The following CCNJL variants were observed in gnomAD, a reference collection of about 807,000 sequenced individuals.
The protein encoded by CCNJL is cyclin J like.
Under a neutral mutation model 33.4 loss-of-function variants are expected in CCNJL, and 33 were observed. The ratio of observed to expected loss-of-function variants is 0.99; its 90% CI spans 0.75 to 1.32. The LOEUF is 1.32. Ranked by LOEUF, CCNJL falls within the 40% of genes most tolerant of loss-of-function variation. The pLI is 0.00. For synonymous variants in CCNJL, 227 were observed against 220.9 expected, an observed-to-expected ratio of 1.03 and a Z score of -0.24; for missense variants, 512 against 499.7, an observed-to-expected ratio of 1.02 and a Z score of -0.23.
intron 3 of CCNJL, among the ~76,000 whole-genome samples, chr5:160,279,009 G>C (rs1411905344): frequency 6.6e-6 from 1 of 152,240 alleles, no homozygotes; most frequent in Non-Finnish European, 1.5e-5. Context: ...CAAATGTGGG[G>C]CTATGAGCCT....
intron 2 of CCNJL, among the ~76,000 whole-genome samples, chr5:160,309,304 G>C (rs761316366): frequency 9.2e-5 from 14 of 152,304 alleles, no homozygotes; most frequent in Non-Finnish European, 2.1e-4. Context: ...TTGATACCCT[G>C]TAGTATGATG....
intron 1 of CCNJL, among the ~76,000 whole-genome samples, chr5:160,332,937 G>A (rs1349278402): frequency 6.6e-6 from 1 of 152,100 alleles, no homozygotes; most frequent in Non-Finnish European, 1.5e-5. Flanking sequence ...GTGCCCAGCT[G>A]AGTGCCAGGC....
intron 3 of CCNJL, among the ~76,000 whole-genome samples, chr5:160,267,365 G>A (rs1052439872): frequency 6.6e-6 from 1 of 152,164 alleles, no homozygotes; most frequent in Non-Finnish European, 1.5e-5. Context: ...CGATCTCCCA[G>A]CTGATAAGGG....
intron 3 of CCNJL, among the ~76,000 whole-genome samples, chr5:160,267,123 T>C (rs1053918079): frequency 2.6e-5 from 4 of 152,280 alleles, no homozygotes; most frequent in African/African-American, 9.6e-5. Flanking sequence ...GGAGCTTCGT[T>C]TGGCATTTGG....
intron 3 of CCNJL, among the ~76,000 whole-genome samples, chr5:160,262,428 G>A (rs1018743229): frequency 6.6e-6 from 1 of 152,198 alleles, no homozygotes; most frequent in African/African-American, 2.4e-5. Context: ...CACACGGCAG[G>A]CCACAGCCAG....
chr5:160,288,842 A>G (rs1420468820), intron 2 of CCNJL, among the ~76,000 whole-genome samples: 6 of 151,698 alleles, frequency 4.0e-5, no homozygotes, highest in African/African-American at 1.5e-4. Flanking sequence ...AAAAAAAAAA[A>G]AAAAAAAAAA....
rs1037763016 is a variant in CCNJL, at chr5:160,250,677, A to G, written c.*2701T>C. ...TATATCTCATCAATTCTACATATAC[A>G]TATTTTGACATGTAACGCTTCTGAA... On this transcript the variant is annotated 3_prime_UTR_variant, in exon 6 of 6. Transcript: ENST00000257536. 1.3e-5 allele frequency: 2 copies of G among 152,192 alleles called. No homozygotes were observed. The highest frequency in any genetic ancestry group is 3.8e-4 in the East Asian group (2 of 5,196). 9.4% of individuals were successfully genotyped at this position (152,192 alleles called of 1,614,324 possible).
intron 3 of CCNJL, among the ~76,000 whole-genome samples, chr5:160,270,865 T>C (rs1010617441): frequency 6.6e-6 from 1 of 152,094 alleles, no homozygotes; most frequent in Non-Finnish European, 1.5e-5. Flanking sequence ...CAGAGAACAT[T>C]CCAGAACGTA....
chr5:160,308,724 C>G (rs1320291667), intron 2 of CCNJL, among the ~76,000 whole-genome samples: 1 of 152,268 alleles, frequency 6.6e-6, no homozygotes, highest in Non-Finnish European at 1.5e-5. Context: ...CCACTGCACT[C>G]TAGCCTGTGC....
intron 3 of CCNJL, among the ~76,000 whole-genome samples, chr5:160,271,265 G>C (rs1328509097): frequency 1.3e-5 from 2 of 152,144 alleles, no homozygotes; most frequent in Admixed American, 1.3e-4. Flanking sequence ...TGGGTGGTGA[G>C]GGGTGGGCTG....
At position 160,335,136 on chromosome 5, in the gene CCNJL, G is replaced by A. The variant is rs140208531; in HGVS notation, n.206+4309C>T. Among the ~76,000 whole-genome samples, 335 of 152,274 alleles carry A rather than the reference G, an allele frequency of 2.2e-3. 1 individual carries two copies. The highest frequency in any genetic ancestry group is 7.4e-3 in the African/African-American group (309 of 41,560). ...CAATTAGTCAGGTGTGGTGGCATGC[G>A]CCTGTAATCCCAGCTACTGGGGAGG... On this transcript the variant is annotated intron_variant and non_coding_transcript_variant, in intron 1 of 7. Transcript: ENST00000377503.
intron 1 of CCNJL, among the ~76,000 whole-genome samples, chr5:160,318,194 T>G (rs950035629): frequency 1.3e-5 from 2 of 152,140 alleles, no homozygotes; most frequent in African/African-American, 4.8e-5. Context: ...TTTTTGTATT[T>G]TTAGTAGAGA....
intron 1 of CCNJL, among the ~76,000 whole-genome samples, chr5:160,322,715 G>A (rs1314483219): frequency 6.6e-6 from 1 of 151,508 alleles, no homozygotes; most frequent in East Asian, 1.9e-4. Flanking sequence ...AGACCAGCCT[G>A]GCCAATATGG....
chr5:160,333,771 G>A (rs1251226415), intron 1 of CCNJL, among the ~76,000 whole-genome samples: 2 of 151,726 alleles, frequency 1.3e-5, no homozygotes, highest in Admixed American at 6.6e-5. Context: ...CCTTCTCTAC[G>A]CCCCCTTGCT....
chr5:160,292,309 G>C (rs533741883), intron 2 of CCNJL, among the ~76,000 whole-genome samples: 1 of 152,292 alleles, frequency 6.6e-6, no homozygotes, highest in Admixed American at 6.5e-5. Flanking sequence ...TATACATACA[G>C]ATAGATATAC....
At chr5:160,280,444 T>C in intron 3 of CCNJL, 81 bp downstream of exon 3, 1 of 1,124,626 alleles carries the variant, frequency 8.9e-7, no homozygotes, top group Non-Finnish European at 1.3e-6. Flanking sequence ...CGTCAAAATG[T>C]AAAGTGATTT....
At chr5:160,258,189 G>A in intron 4 of CCNJL, 1 of 501,882 alleles carries the variant, frequency 2.0e-6, no homozygotes, top group Non-Finnish European at 3.6e-6. Context: ...GTTTGTGGTA[G>A]GTTATGGGAT....
Position 160,289,716 on chromosome 5 carries a change from C to T in CCNJL, c.67-8978G>A, listed in dbSNP as rs76129874. Among the ~76,000 whole-genome samples, 430 of 152,284 alleles carry T rather than the reference C, an allele frequency of 2.8e-3. 1 individual carries two copies. The highest frequency in any genetic ancestry group is 9.8e-3 in the African/African-American group (407 of 41,568). ...ACCTAAAGCCCCAACCTAAGCTACA[C>T]GGAGAGACAGAGAGGCAGCAGGGCT... On this transcript the variant is annotated intron_variant, in intron 2 of 5. Coordinates refer to ENST00000257536, the MANE Select transcript of CCNJL (RefSeq NM_001308173.3).
chr5:160,303,323 G>A (rs142932395), intron 2 of CCNJL, among the ~76,000 whole-genome samples: 3 of 151,760 alleles, frequency 2.0e-5, no homozygotes, highest in Non-Finnish European at 2.9e-5. Context: ...CTCCTGCCTC[G>A]GCCTCCTCAG....
Sources: allele counts gnomAD v4.1 joint callset (sites outside exome capture counted in the v4.1 genomes callset), GRCh38; gene constraint gnomAD v4.1.1; transcripts MANE v1.5; gene names NCBI Gene and HGNC (gene_info 2026-07-23, HGNC 2026-07-21).